CADPS: variants seen among roughly 807,000 people sequenced by gnomAD.
CADPS encodes the protein calcium-dependent secretion activator 1.
Under a neutral mutation model 167.3 loss-of-function variants are expected in CADPS, and 57 were observed. The observed-to-expected ratio is 0.34, with a 90% CI of 0.28 to 0.42. The LOEUF is 0.42. Ranked by LOEUF, CADPS falls within the 20% of genes least tolerant of loss-of-function variation. The pLI is 1.00. For synonymous variants in CADPS, 676 were observed against 635.3 expected, an observed-to-expected ratio of 1.06 and a Z score of -0.96; for missense variants, 1,414 against 1,738.1, an observed-to-expected ratio of 0.81 and a Z score of 3.32.
chr3:62,483,606 A>G (rs2062354551), intron 21 of CADPS, among the ~76,000 whole-genome samples: 1 of 152,186 alleles, frequency 6.6e-6, no homozygotes, highest in Non-Finnish European at 1.5e-5. Context: ...GGGAAAGCCA[A>G]TTATACATCT....
At chr3:62,605,351 G>C (rs1427436409) in intron 6 of CADPS, among the ~76,000 whole-genome samples, 1 of 152,208 alleles carries the variant, frequency 6.6e-6, no homozygotes, top group Non-Finnish European at 1.5e-5. Flanking sequence ...GAAGAAGCTG[G>C]TGCAGTGGGG....
At chr3:62,634,408 T>C (rs894069966) in intron 6 of CADPS, among the ~76,000 whole-genome samples, 2 of 152,222 alleles carry the variant, frequency 1.3e-5, no homozygotes, top group African/African-American at 2.4e-5. Context: ...CATATTTTTG[T>C]AGTTCCACTA....
chr3:62,799,409 T>C (rs1434952241), intron 1 of CADPS, among the ~76,000 whole-genome samples: 3 of 152,150 alleles, frequency 2.0e-5, no homozygotes, highest in East Asian at 3.9e-4. Context: ...AGTTCACCTA[T>C]GAAACACTCT....
In CADPS at chr3:62,412,041, T is replaced by C. The variant is rs974452909; in HGVS notation, c.3778-8856A>G. On this transcript the variant is annotated intron_variant, in intron 28 of 29. Transcript: ENST00000383710. The surrounding 1 kb of genome is among the most constrained non-coding windows in gnomAD (Gnocchi z 4.1). ...CAAAGCTATAATCAGACACCAAAGC[T>C]ATAATCAGACACCGAAGCTCTAAAC... is the stretch of plus-strand genomic sequence containing the variant. Among the ~76,000 whole-genome samples the C allele has an allele frequency of 6.6e-6, 1 of 151,960 alleles. No individual in the cohort carries two copies. The highest frequency in any genetic ancestry group is 1.5e-5 in the Non-Finnish European group (1 of 68,010).
rs1422189871 is a variant in CADPS, at chr3:62,599,690, AT to A, written c.1326-6943del. Among the ~76,000 whole-genome samples, 13 of 42,828 alleles carry A rather than the reference AT, an allele frequency of 3.0e-4. No homozygotes were observed. In the East Asian group the frequency reaches 6.2e-3, roughly 20 times the overall value. The allele number at this position is 42,828 out of a possible 152,430, so 28.1% of individuals were successfully genotyped here. On this transcript the variant is annotated intron_variant, in intron 6 of 29. Coordinates refer to ENST00000383710, the MANE Select transcript of CADPS (RefSeq NM_003716.4). Reference sequence around the variant, plus strand: ...TATTATATATACAATATTATATAATATTATAATATATATATTATATAATATA... The same window carrying A: ...TATTATATATACAATATTATATAATATATAATATATATATTATATAATATA...
At chr3:62,595,176 T>C (rs833639) in intron 6 of CADPS, among the ~76,000 whole-genome samples, 91,781 of 151,830 alleles carry the variant, frequency 0.6, 31,214 homozygotes, top group Non-Finnish European at 0.76. Flanking sequence ...ACCAGATCCA[T>C]GGGGATCTCA....
chr3:62,623,643 T>C (rs568153195), intron 6 of CADPS, among the ~76,000 whole-genome samples: 151 of 152,088 alleles, frequency 9.9e-4, no homozygotes, highest in Non-Finnish European at 1.4e-3. Flanking sequence ...TATTTGTCAA[T>C]AGTGTGAGGA....
intron 3 of CADPS, among the ~76,000 whole-genome samples, chr3:62,737,957 C>CT (rs907595934): frequency 1.6e-4 from 24 of 151,664 alleles, no homozygotes; most frequent in Non-Finnish European, 2.2e-4. Context: ...ACATAATATA[C>CT]TTTTTTTTTC....
chr3:62,808,774 C>G (rs304222), intron 1 of CADPS, among the ~76,000 whole-genome samples: 113,196 of 151,896 alleles, frequency 0.75, 42,534 homozygotes, highest in East Asian at 0.94. Flanking sequence ...GTATCTCTAG[C>G]CTTGACCTTC....
intron 1 of CADPS, among the ~76,000 whole-genome samples, chr3:62,832,739 T>C (rs1248685539): frequency 1.3e-5 from 2 of 152,222 alleles, no homozygotes; most frequent in Non-Finnish European, 1.5e-5. Context: ...AGATCCTAAA[T>C]GTAAGAACAC....
chr3:62,638,802 T>C (rs1481145635), intron 6 of CADPS, among the ~76,000 whole-genome samples: 3 of 152,176 alleles, frequency 2.0e-5, no homozygotes, highest in Non-Finnish European at 4.4e-5. Context: ...GGTTCTTCTC[T>C]GGACCAGTTA....
chr3:62,439,901 G>T (rs1388141441), intron 27 of CADPS: 2 of 152,078 alleles, frequency 1.3e-5, no homozygotes, highest in Non-Finnish European at 2.9e-5. Flanking sequence ...CTTCAAAGGG[G>T]CACTTCATTC....
chr3:62,469,222 C>T (rs1360704457), intron 24 of CADPS, among the ~76,000 whole-genome samples: 6 of 152,094 alleles, frequency 3.9e-5, no homozygotes, highest in Admixed American at 6.6e-5. Context: ...TTACAGAATA[C>T]GTGAATCCCT....
At chr3:62,608,420 C>T (rs2061003024) in intron 6 of CADPS, among the ~76,000 whole-genome samples, 1 of 151,764 alleles carries the variant, frequency 6.6e-6, no homozygotes, top group Non-Finnish European at 1.5e-5. Context: ...GTAGCTGGGA[C>T]CACAGGCATG....
At chr3:62,512,889 GA>G in intron 16 of CADPS, 121 bp from the exon 17 acceptor site, 4 of 747,660 alleles carry the variant, frequency 5.4e-6, no homozygotes, top group Non-Finnish European at 8.1e-6. Flanking sequence ...ATATTGGAAA[GA>G]AAAGGTTGCC....
At chr3:62,759,372 C>G (rs769300086) in intron 2 of CADPS, among the ~76,000 whole-genome samples, 1 of 152,096 alleles carries the variant, frequency 6.6e-6, no homozygotes, top group Admixed American at 6.5e-5. Flanking sequence ...AATAGAATAT[C>G]ATGCAGCCAT....
At chr3:62,789,294 G>A (rs2092731544) in intron 1 of CADPS, among the ~76,000 whole-genome samples, 2 of 152,092 alleles carry the variant, frequency 1.3e-5, no homozygotes, top group South Asian at 4.1e-4. Flanking sequence ...AAGACTTAAG[G>A]AGACTGAGGA....
At chr3:62,513,009 A>G (rs2068178308) in intron 16 of CADPS, among the ~76,000 whole-genome samples, 2 of 152,152 alleles carry the variant, frequency 1.3e-5, no homozygotes, top group African/African-American at 4.8e-5. Context: ...TTAATGTGAA[A>G]TCAAGCTATG....
chr3:62,549,718 T>C (rs769703444), intron 11 of CADPS, among the ~76,000 whole-genome samples, 185 bp downstream of exon 11: 1 of 152,126 alleles, frequency 6.6e-6, no homozygotes, highest in Non-Finnish European at 1.5e-5. Context: ...GAAGGTCAAG[T>C]ATTGCACTTT....
Sources: gnomAD v4.1 joint callset for allele counts (sites outside exome capture counted in the v4.1 genomes callset) on GRCh38, gnomAD v4.1.1 for gene constraint, Gnocchi (gnomAD v3.1) non-coding constraint, MANE v1.5 for transcripts, NCBI Gene and HGNC (gene_info 2026-07-23, HGNC 2026-07-21) for gene names.